The following ADGRL4 variants were observed in gnomAD, a reference collection of about 807,000 sequenced individuals.
ADGRL4 encodes adhesion G protein-coupled receptor L4.
A neutral mutation model predicts 74.8 loss-of-function variants in ADGRL4; 90 were observed. The observed-to-expected ratio is 1.20, with a 90% CI of 1.02 to 1.43. ADGRL4 has a LOEUF of 1.43. ADGRL4 is among the 40% of genes most tolerant of loss of function. The pLI, the probability that ADGRL4 is intolerant of heterozygous loss-of-function variation, is 0.00. For synonymous variants in ADGRL4, 311 were observed against 279.2 expected (o/e 1.11, Z -1.14); for missense variants, 881 against 814.3 (o/e 1.08, Z -1.00).
chr1:78,904,040 A>G (rs1444439231), intron 12 of ADGRL4, among the ~76,000 whole-genome samples: 1 of 151,618 alleles, frequency 6.6e-6, no homozygotes, highest in African/African-American at 2.4e-5. Flanking sequence ...ATTAACTAAA[A>G]TAATACATGG....
intron 2 of ADGRL4, among the ~76,000 whole-genome samples, chr1:78,996,786 C>G (rs4618918): frequency 0.081 from 12,398 of 152,160 alleles, 684 homozygotes; most frequent in Middle Eastern, 0.19. Context: ...TGTACATTAT[C>G]TCATCAATTA....
chr1:78,903,120 T>C (rs1648552646), intron 12 of ADGRL4, among the ~76,000 whole-genome samples: 1 of 152,198 alleles, frequency 6.6e-6, no homozygotes, highest in Non-Finnish European at 1.5e-5. Flanking sequence ...TTCCATGCTC[T>C]ATGGAGTGGA....
chr1:78,957,417 G>T lies in ADGRL4; in HGVS notation c.173-10991C>A, dbSNP rs192113641. Among the ~76,000 whole-genome samples the T allele has an allele frequency of 6.0e-4, 92 of 152,266 alleles. No homozygotes were observed. In the East Asian group the frequency reaches 0.017, roughly 28 times the overall value. On this transcript the variant is annotated intron_variant, in intron 2 of 14. Coordinates refer to ENST00000370742, the MANE Select transcript of ADGRL4 (RefSeq NM_022159.4). Reference sequence around the variant, plus strand: ...GAATGCAGAGGAAAAGCTCTTGAAGGAAATTAAAAGTGCCACTCCAGTGAA... The same window carrying T: ...GAATGCAGAGGAAAAGCTCTTGAAGTAAATTAAAAGTGCCACTCCAGTGAA...
chr1:78,997,974 T>G (rs1028829221), intron 2 of ADGRL4, among the ~76,000 whole-genome samples: 9 of 152,186 alleles, frequency 5.9e-5, no homozygotes, highest in Admixed American at 2.0e-4. Flanking sequence ...TGACCAAGTT[T>G]TCTTTGAGAG....
At chr1:78,972,337 A>G (rs1439589893) in intron 2 of ADGRL4, among the ~76,000 whole-genome samples, 3 of 152,218 alleles carry the variant, frequency 2.0e-5, no homozygotes, top group Non-Finnish European at 4.4e-5. Context: ...AAGCAACATT[A>G]GAAACTTAGA....
At chr1:78,935,161 C>T (rs1027107344) in intron 7 of ADGRL4, among the ~76,000 whole-genome samples, 6 of 152,092 alleles carry the variant, frequency 3.9e-5, no homozygotes, top group Non-Finnish European at 7.4e-5. Flanking sequence ...ACCCAAATGC[C>T]CATCAATGAT....
chr1:78,936,404 T>C lies in ADGRL4; in HGVS notation c.768A>G (p.Lys256=), dbSNP rs1423091671. The change falls in exon 7 of 15, where the codon AAA becomes AAG. Residue 256 remains lysine, a synonymous_variant. Transcript: ENST00000370742. ...FDTNSTDIAL[K]VFFFDSYNMK... is the part of the protein sequence containing the mutation. ...TGTTATATGAATCAAAAAAGAAAAC[T>C]TTGAGAGCTGAAACAAAACCATGAA... is the stretch of plus-strand genomic sequence containing the variant. The C allele has an allele frequency of 5.7e-6, 9 of 1,569,720 alleles. No individual in the cohort carries two copies. The highest frequency in any genetic ancestry group is 7.7e-6 in the Non-Finnish European group (9 of 1,164,776).
chr1:78,909,142 C>A (rs773470954), intron 12 of ADGRL4, among the ~76,000 whole-genome samples: 3 of 151,846 alleles, frequency 2.0e-5, no homozygotes, highest in Non-Finnish European at 4.4e-5. Context: ...ATGCACCCAA[C>A]AAATATGATG....
intron 2 of ADGRL4, among the ~76,000 whole-genome samples, chr1:78,990,903 C>G (rs1367407915): frequency 2.0e-5 from 3 of 151,946 alleles, no homozygotes; most frequent in African/African-American, 7.2e-5. Flanking sequence ...GGCATAAGAA[C>G]CTTTCTGACA....
intron 12 of ADGRL4, among the ~76,000 whole-genome samples, chr1:78,908,244 G>A (rs1284087586): frequency 6.6e-6 from 1 of 151,932 alleles, no homozygotes; most frequent in Non-Finnish European, 1.5e-5. Flanking sequence ...TACTTTCAGA[G>A]GATGATCAGA....
At chr1:78,922,690 C>T (rs1441985204) in intron 8 of ADGRL4, among the ~76,000 whole-genome samples, 2 of 151,866 alleles carry the variant, frequency 1.3e-5, no homozygotes, top group Non-Finnish European at 2.9e-5. Flanking sequence ...TGGTTTGACC[C>T]TCATAAACCT....
At chr1:78,959,326 A>G (rs1362944495) in intron 2 of ADGRL4, among the ~76,000 whole-genome samples, 1 of 152,216 alleles carries the variant, frequency 6.6e-6, no homozygotes, top group African/African-American at 2.4e-5. Context: ...TGAAAGCCCA[A>G]TTATCAGCTA....
chr1:78,903,450 C>G (rs1648559946), intron 12 of ADGRL4, among the ~76,000 whole-genome samples: 1 of 152,122 alleles, frequency 6.6e-6, no homozygotes, highest in African/African-American at 2.4e-5. Flanking sequence ...AAGCCAGTCA[C>G]AGTTAAAATC....
chr1:78,993,099 C>CG (rs2100735952), intron 2 of ADGRL4, among the ~76,000 whole-genome samples: 1 of 151,938 alleles, frequency 6.6e-6, no homozygotes, highest in African/African-American at 2.4e-5. Context: ...GGTTAAAATA[C>CG]GTTTTTTTAA....
At chr1:78,937,748 C>A in intron 6 of ADGRL4, 59 bp downstream of exon 6, 1 of 1,533,302 alleles carries the variant, frequency 6.5e-7, no homozygotes, top group Non-Finnish European at 8.8e-7. Context: ...CCACCCAAAA[C>A]TTTGAAAATG....
intron 2 of ADGRL4, among the ~76,000 whole-genome samples, chr1:78,985,110 G>A (rs1650467070): frequency 6.6e-6 from 1 of 151,402 alleles, no homozygotes; most frequent in Non-Finnish European, 1.5e-5. Context: ...TTTCATTTTA[G>A]TCTCTTTTTT....
chr1:79,001,585 G>A (rs1160471900), intron 2 of ADGRL4, among the ~76,000 whole-genome samples: 1 of 152,040 alleles, frequency 6.6e-6, no homozygotes, highest in Non-Finnish European at 1.5e-5. Context: ...GGCAATTTGT[G>A]AACTTCAACT....
Position 78,891,184 on chromosome 1 carries a change from A to T in ADGRL4, c.2043T>A (p.Asn681Lys), listed in dbSNP as rs577581447. 13 of 1,611,290 alleles carry T rather than the reference A, an allele frequency of 8.1e-6. 1 individual carries two copies. In the South Asian group the frequency reaches 1.3e-4, roughly 16 times the overall value. The change falls in exon 15 of 15, where the codon AAT (asparagine) becomes AAA (lysine). Residue 681 changes from asparagine (N) to lysine (K), a missense_variant. Physicochemically the swap from Asn to Lys is moderately conservative, Grantham distance 94. Transcript: ENST00000370742. ...TTAAACATCCAAAACAACAGGGGAC[A>T]TTTTTGAACAATCTGTAATATTCTT... ...IQEEYYRLFK[N>K]VPCCFGCLR
At chr1:78,930,775 A>G (rs1170849989) in intron 7 of ADGRL4, among the ~76,000 whole-genome samples, 1 of 151,314 alleles carries the variant, frequency 6.6e-6, no homozygotes, top group Non-Finnish European at 1.5e-5. Flanking sequence ...TTTTTAGAAG[A>G]ATCAGCTTTT....
Sources: gnomAD v4.1 joint callset for allele counts (sites outside exome capture counted in the v4.1 genomes callset) on GRCh38, gnomAD v4.1.1 for gene constraint, MANE v1.5 for transcripts, NCBI Gene and HGNC (gene_info 2026-07-23, HGNC 2026-07-21) for gene names.